The following RFX4 variants were observed in gnomAD, a reference collection of about 807,000 sequenced individuals.
RFX4 encodes the protein regulatory factor X4.
In RFX4, 10 loss-of-function variants were observed where a neutral mutation model predicts 95.0. The observed-to-expected ratio is 0.11, with a 90% confidence interval of 0.06 to 0.18. RFX4 has a LOEUF of 0.18. Ranked by LOEUF, RFX4 falls within the 10% of genes least tolerant of loss-of-function variation. The pLI, the probability that RFX4 is intolerant of heterozygous loss-of-function variation, is 1.00. For synonymous variants in RFX4, 321 were observed against 340.7 expected (o/e 0.94, Z 0.64); for missense variants, 640 against 922.0 (o/e 0.69, Z 3.96).
intron 1 of RFX4, among the ~76,000 whole-genome samples, chr12:106,603,619 C>T (rs1214964268): frequency 1.3e-5 from 2 of 152,184 alleles, no homozygotes; most frequent in Admixed American, 6.5e-5. Flanking sequence ...TCCTTACTAA[C>T]AGGTCAGATG....
At chr12:106,611,709 C>T (rs2039965040) in intron 2 of RFX4, among the ~76,000 whole-genome samples, 2 of 152,114 alleles carry the variant, frequency 1.3e-5, no homozygotes, top group Admixed American at 1.3e-4. Flanking sequence ...GACAGGGTTT[C>T]ACCATGTTGG....
intron 1 of RFX4, among the ~76,000 whole-genome samples, chr12:106,599,756 A>T (rs1277109642): frequency 2.0e-5 from 3 of 152,020 alleles, no homozygotes; most frequent in Admixed American, 6.6e-5. Flanking sequence ...CTAAGACATA[A>T]TGAGCCTCTA....
intron 2 of RFX4, among the ~76,000 whole-genome samples, chr12:106,614,665 C>T (rs555221202): frequency 5.9e-5 from 9 of 151,966 alleles, no homozygotes; most frequent in African/African-American, 1.2e-4. Context: ...CCCGCCACCA[C>T]GCCCGGCTAA....
chr12:106,601,318 G>A (rs2039702805), intron 1 of RFX4: 1 of 1,594,584 alleles, frequency 6.3e-7, no homozygotes, highest in Non-Finnish European at 8.5e-7. Context: ...GAGGCGACAG[G>A]ACCAGGCCTC....
rs541846284 is a variant in RFX4 at position 106,626,062 on chromosome 12, G to A, written c.131-13270G>A. The stretch of plus-strand genomic sequence containing the variant: ...ACATACTTGAATATTAACAATGCAA[G>A]GCCATATGTGATTGACTTCATTCAA... On this transcript the variant is annotated intron_variant, in intron 2 of 17. Coordinates refer to ENST00000392842, the MANE Select transcript of RFX4 (RefSeq NM_213594.3). Among the ~76,000 whole-genome samples the A allele has an allele frequency of 5.9e-5, 9 of 152,220 alleles. No homozygotes were observed. In the South Asian group the frequency reaches 1.9e-3, roughly 32 times the overall value.
At chr12:106,713,885 T>A (rs1820141917) in intron 10 of RFX4, among the ~76,000 whole-genome samples, 1 of 151,840 alleles carries the variant, frequency 6.6e-6, no homozygotes. Flanking sequence ...CTGGCCAATA[T>A]GTCGAAACCC....
chr12:106,603,567 C>T (rs1013301729), intron 1 of RFX4, among the ~76,000 whole-genome samples: 1 of 152,236 alleles, frequency 6.6e-6, no homozygotes, highest in Non-Finnish European at 1.5e-5. Flanking sequence ...CCTCTGCTCA[C>T]GGCTGTAGGC....
intron 4 of RFX4, among the ~76,000 whole-genome samples, chr12:106,664,247 C>A (rs2041130870): frequency 6.6e-6 from 1 of 151,800 alleles, no homozygotes; most frequent in African/African-American, 2.4e-5. Flanking sequence ...TAGATATAGA[C>A]CTATTCTGTC....
intron 1 of RFX4, 121 bp from the exon 2 acceptor site, chr12:106,608,676 T>A (rs2039889004): frequency 1.1e-6 from 1 of 923,376 alleles, no homozygotes. Context: ...ACATGAATAT[T>A]GATGAGCATT....
At chr12:106,685,923 A>G (rs1334606094) in intron 5 of RFX4, among the ~76,000 whole-genome samples, 1 of 152,262 alleles carries the variant, frequency 6.6e-6, no homozygotes, top group East Asian at 1.9e-4. Flanking sequence ...AATGCTCAAT[A>G]GATTATAGCT....
intron 3 of RFX4, among the ~76,000 whole-genome samples, chr12:106,640,460 C>T (rs758686173): frequency 3.3e-5 from 5 of 152,300 alleles, no homozygotes; most frequent in Non-Finnish European, 7.4e-5. Context: ...CATTCAGGAA[C>T]GTAACTCAAT....
intron 6 of RFX4, among the ~76,000 whole-genome samples, chr12:106,688,761 G>A (rs1009254328): frequency 7.3e-6 from 1 of 137,630 alleles, no homozygotes; most frequent in Non-Finnish European, 1.6e-5. Flanking sequence ...AAATGGAGGG[G>A]GAGATTAATT....
intron 2 of RFX4, among the ~76,000 whole-genome samples, chr12:106,613,592 G>A (rs923197231): frequency 1.3e-5 from 2 of 152,126 alleles, no homozygotes; most frequent in Non-Finnish European, 2.9e-5. Context: ...TCCAACTCCT[G>A]ACTTCAGGTG....
intron 17 of RFX4, among the ~76,000 whole-genome samples, chr12:106,760,689 T>A (rs371415326): frequency 2.6e-5 from 4 of 152,246 alleles, no homozygotes; most frequent in African/African-American, 9.6e-5. Context: ...TATAATTGAA[T>A]TCAACTGTAA....
intron 2 of RFX4, among the ~76,000 whole-genome samples, chr12:106,627,353 G>A (rs12366370): frequency 0.029 from 4,434 of 152,186 alleles, 96 homozygotes; most frequent in Non-Finnish European, 0.048. Context: ...GCCTGGCCAT[G>A]GTGAAAACCC....
intron 3 of RFX4, among the ~76,000 whole-genome samples, chr12:106,646,196 C>T (rs993712164): frequency 4.6e-5 from 7 of 151,984 alleles, no homozygotes; most frequent in Non-Finnish European, 5.9e-5. Context: ...AGATGTTCTG[C>T]GGGGCCTTAT....
intron 1 of RFX4, among the ~76,000 whole-genome samples, chr12:106,585,137 G>T (rs913793091): frequency 6.6e-6 from 1 of 152,234 alleles, no homozygotes; most frequent in Non-Finnish European, 1.5e-5. Context: ...TTTTCGAGCG[G>T]CCCACGCAGG....
rs1462120501 is a variant in RFX4 at position 106,747,573 on chromosome 12, A to G, written c.1770A>G (p.Pro590=). The G allele has an allele frequency of 6.2e-7, 1 of 1,613,900 alleles. No individual in the cohort carries two copies. Among genetic ancestry groups the G allele is most frequent in the African/African-American group, 1.3e-5 (1 of 74,894 alleles). The change falls in exon 16 of 18, where the codon CCA becomes CCG. Residue 590 remains proline (P), a synonymous_variant. Coordinates refer to ENST00000392842, the MANE Select transcript of RFX4 (RefSeq NM_213594.3). ...VPSSSVTHRI[P]VYPHREEHGY... is the part of the protein sequence containing the mutation. ...CTTCCTCCGTCACACACAGGATACC[A>G]GTTTATCCCCACAGAGAGGAACATG...
intron 16 of RFX4, among the ~76,000 whole-genome samples, chr12:106,750,180 G>A (rs2042972577): frequency 6.6e-6 from 1 of 152,046 alleles, no homozygotes; most frequent in African/African-American, 2.4e-5. Flanking sequence ...GAAATGGTAA[G>A]AATCAAAAAG....
Sources: gnomAD v4.1 joint callset for allele counts (sites outside exome capture counted in the v4.1 genomes callset) on GRCh38, gnomAD v4.1.1 for gene constraint, MANE v1.5 for transcripts, NCBI Gene and HGNC (gene_info 2026-07-23, HGNC 2026-07-21) for gene names.